The following TMEM52B variants were observed in gnomAD, a reference collection of about 807,000 sequenced individuals.
The protein encoded by TMEM52B is chromosome 12 open reading frame 59.
TMEM52B carries 11 observed loss-of-function variants against 16.1 expected under a neutral mutation model. The ratio of observed to expected loss-of-function variants is 0.68; its 90% confidence interval spans 0.43 to 1.13. The LOEUF is 1.13. Ranked by LOEUF, TMEM52B falls within the 50% of genes most tolerant of loss-of-function variation. The pLI is 0.00. For missense variants in TMEM52B, 243 were observed against 230.4 expected (o/e 1.05, Z -0.35); for synonymous variants, 101 against 93.8 (o/e 1.08, Z -0.45).
At chr12:10,180,891 C>T (rs1327115343) in intron 1 of TMEM52B, among the ~76,000 whole-genome samples, 2 of 152,140 alleles carry the variant, frequency 1.3e-5, no homozygotes, top group East Asian at 1.9e-4. Context: ...CTGCAACCTC[C>T]GCCTCCTGGG....
intron 1 of TMEM52B, chr12:10,172,245 G>A (rs1948729116): frequency 1.2e-5 from 7 of 563,540 alleles, no homozygotes; most frequent in Admixed American, 1.2e-4. Context: ...TGGGAAGTTC[G>A]CTGACGCAAA....
At position 10,190,117 on chromosome 12, in the gene TMEM52B, C is replaced by T. The variant is rs200427740; in HGVS notation, c.529C>T (p.Arg177Ter). 5.2e-5 allele frequency: 84 copies of T among 1,614,026 alleles called. No individual in the cohort carries two copies. In the East Asian group the frequency reaches 1.0e-3, roughly 19 times the overall value. ...QLPPTEKEST[R>*]IVDSWN is the part of the protein sequence containing the mutation. ...GCCTCCAACAGAGAAGGAGTCGACTCGAATAGTTGACTCTTGGAACTGATG... is the reference window on the plus strand; with the variant it reads ...GCCTCCAACAGAGAAGGAGTCGACTTGAATAGTTGACTCTTGGAACTGATG... The change falls in exon 5 of 5, where the codon CGA becomes TGA. Residue 177 changes from arginine (R) to a stop codon, truncating the protein, a stop_gained. Coordinates refer to ENST00000543484, the MANE Select transcript of TMEM52B (RefSeq NM_001384896.1). LOFTEE classifies it low-confidence loss of function (END_TRUNC).
chr12:10,189,061 C>T (rs1948922817), intron 4 of TMEM52B, among the ~76,000 whole-genome samples: 1 of 134,590 alleles, frequency 7.4e-6, no homozygotes, highest in Admixed American at 8.0e-5. Flanking sequence ...ATTAGCCAGG[C>T]ACGTTGGCAC....
chr12:10,173,547 A>AGG (rs5796382), intron 1 of TMEM52B, among the ~76,000 whole-genome samples: 69 of 149,238 alleles, frequency 4.6e-4, no homozygotes, highest in African/African-American at 8.6e-4. Context: ...TGGGAAGCTG[A>AGG]GGGGGGGGGT....
chr12:10,180,327 A>AT (rs1362964424), intron 1 of TMEM52B, among the ~76,000 whole-genome samples: 1 of 146,362 alleles, frequency 6.8e-6, no homozygotes, highest in African/African-American at 2.5e-5. Context: ...CTGAAAATCC[A>AT]TTTTTTCTTA....
At chr12:10,178,365 C>CA (rs957193491), upstream of TMEM52B, among the ~76,000 whole-genome samples, 7 of 151,610 alleles carry the variant, frequency 4.6e-5, no homozygotes, top group African/African-American at 1.4e-4. Context: ...ACTAAAAATA[C>CA]AAAAAAACTT....
At chr12:10,181,751 C>A (rs141332231) in intron 1 of TMEM52B, among the ~76,000 whole-genome samples, 8,078 of 150,768 alleles carry the variant, frequency 0.054, 302 homozygotes, top group Middle Eastern at 0.12. Context: ...TGGCCGGGCG[C>A]GGTGGCTCAC....
At chr12:10,179,753 A>C in intron 1 of TMEM52B, 125 bp downstream of exon 1, 1 of 1,078,556 alleles carries the variant, frequency 9.3e-7, no homozygotes, top group Admixed American at 1.9e-5. Context: ...GGTCATAGGG[A>C]AATGAATAAA....
At chr12:10,174,601 A>T (rs1948752688), upstream of TMEM52B, among the ~76,000 whole-genome samples, 6 of 152,186 alleles carry the variant, frequency 3.9e-5, no homozygotes, top group Admixed American at 3.9e-4. Flanking sequence ...TCGCTGGCCG[A>T]GTCTGGCAGC....
Position 10,179,698 on chromosome 12 carries a change from A to C in TMEM52B, c.54+70A>C, listed in dbSNP as rs1293531233. 3.1e-6 allele frequency: 5 copies of C among 1,588,646 alleles called. No homozygotes were observed. The African/African-American group carries it at 4.0e-5, about 13-fold the overall frequency. Reference sequence around the variant, plus strand: ...TTAATCAACTCTCAGAAGAGTCTGAAAGGAAATGAACTGCGGGGTGGGGAG... The same window carrying C: ...TTAATCAACTCTCAGAAGAGTCTGACAGGAAATGAACTGCGGGGTGGGGAG... On this transcript the variant is annotated intron_variant, in intron 1 of 4. Transcript: ENST00000543484.
At chr12:10,176,486 CAG>C (rs1181832187), upstream of TMEM52B, among the ~76,000 whole-genome samples, 1 of 152,110 alleles carries the variant, frequency 6.6e-6, no homozygotes, top group African/African-American at 2.4e-5. Context: ...CCTGTTTAGG[CAG>C]GTGAAGGCTG....
chr12:10,170,916 T>C (rs566203353), intron 1 of TMEM52B: 1 of 152,334 alleles, frequency 6.6e-6, no homozygotes, highest in East Asian at 1.9e-4. Flanking sequence ...AGACCATTAA[T>C]CCAACTGCTG....
chr12:10,188,991 T>C (rs1171306655), intron 4 of TMEM52B, among the ~76,000 whole-genome samples: 5 of 117,284 alleles, frequency 4.3e-5, no homozygotes, highest in Non-Finnish European at 8.1e-5. Context: ...CACTCCAGCC[T>C]GGGCGACAGA....
Position 10,190,237 on chromosome 12 carries a change from G to C in TMEM52B, c.*97G>C. ...TCTAACCCTCAGAAGTTTTAAGATGGCATCTAACACCATCATTCTATGGGA... is the reference window on the plus strand; with the variant it reads ...TCTAACCCTCAGAAGTTTTAAGATGCCATCTAACACCATCATTCTATGGGA... On this transcript the variant is annotated 3_prime_UTR_variant, in exon 5 of 5. Coordinates refer to ENST00000543484, the MANE Select transcript of TMEM52B (RefSeq NM_001384896.1). The C allele has an allele frequency of 6.9e-7, 1 of 1,457,960 alleles. No homozygotes were observed. The highest frequency in any genetic ancestry group is 9.5e-7 in the Non-Finnish European group (1 of 1,058,148). The allele number at this position is 1,457,960 out of a possible 1,614,324, so 90.3% of individuals were successfully genotyped here.
chr12:10,171,851 T>C (rs1270041361), intron 1 of TMEM52B: 4 of 592,560 alleles, frequency 6.8e-6, no homozygotes, highest in Non-Finnish European at 1.2e-5. Flanking sequence ...ATCATCATTA[T>C]AGCCTTCTTG....
In TMEM52B at chr12:10,179,563, G is replaced by A. The variant is rs754403485; in HGVS notation, c.-12G>A. 2 of 1,614,186 alleles carry A rather than the reference G, an allele frequency of 1.2e-6. No individual in the cohort carries two copies. Among genetic ancestry groups the A allele is most frequent in the Non-Finnish European group, 1.7e-6 (2 of 1,180,022 alleles). ...CCAGTGCAAGATTCTGAAGAAGCAG[G>A]AATTCAGCCCGATGGGAGTCCGAGT... is the stretch of plus-strand genomic sequence containing the variant. On this transcript the variant is annotated 5_prime_UTR_variant, in exon 1 of 5. Transcript: ENST00000543484.
chr12:10,173,335 A>G (rs1948739208), intron 1 of TMEM52B, among the ~76,000 whole-genome samples: 1 of 152,228 alleles, frequency 6.6e-6, no homozygotes, highest in South Asian at 2.1e-4. Flanking sequence ...AGAATACACA[A>G]AGGAAGAATG....
chr12:10,182,389 A>G, intron 1 of TMEM52B, 161 bp from the exon 2 acceptor site: 1 of 985,430 alleles, frequency 1.0e-6, no homozygotes, highest in Non-Finnish European at 1.2e-6. Context: ...GCCAGCAAGT[A>G]TGGGAGAGAT....
Position 10,190,832 on chromosome 12 carries a change from T to C in TMEM52B, c.*692T>C, listed in dbSNP as rs1371704425. On this transcript the variant is annotated 3_prime_UTR_variant, in exon 5 of 5. Transcript: ENST00000543484. Reference sequence around the variant, plus strand: ...CCTCCGCACTGCAAACACATATATGTGCGCACATGCATGTATACCTGCACC... The same window carrying C: ...CCTCCGCACTGCAAACACATATATGCGCGCACATGCATGTATACCTGCACC... 2 of 153,192 alleles carry C rather than the reference T, an allele frequency of 1.3e-5. No homozygotes were observed. Among genetic ancestry groups the C allele is most frequent in the African/African-American group, 4.8e-5 (2 of 41,480 alleles). The allele number at this position is 153,192 out of a possible 1,614,324, so 9.5% of individuals were successfully genotyped here. A position where few individuals can be genotyped will look rare whatever the true frequency, so the allele number is the denominator to read the frequency against.
Sources: gnomAD v4.1 joint callset for allele counts (sites outside exome capture counted in the v4.1 genomes callset) on GRCh38, gnomAD v4.1.1 for gene constraint, MANE v1.5 for transcripts, NCBI Gene and HGNC (gene_info 2026-07-23, HGNC 2026-07-21) for gene names.